ZNF594: variants seen among roughly 807,000 people sequenced by gnomAD.
ZNF594 encodes the protein zinc finger protein 594.
For synonymous variants in ZNF594, 336 were observed against 309.4 expected (o/e 1.09, Z -0.90); for missense variants, 1,037 against 964.6 (o/e 1.08, Z -0.99).
chr17:5,178,926 C>T (rs2074321463), downstream of ZNF594, among the ~76,000 whole-genome samples: 1 of 152,126 alleles, frequency 6.6e-6, no homozygotes, highest in South Asian at 2.1e-4. Context: ...TTCAAATCAA[C>T]ATAAGAACAC....
At position 5,182,531 on chromosome 17, in the gene ZNF594, C is replaced by T. The variant is rs1404769604; in HGVS notation, c.1726G>A (p.Ala576Thr). 3.1e-6 allele frequency: 5 copies of T among 1,613,348 alleles called. No homozygotes were observed. The highest frequency in any genetic ancestry group is 2.2e-5 in the South Asian group (2 of 91,026). ...ATGAGGTCTGAGCTGCCCTGGAAAG[C>T]CCTACCACACTGATTACACCAATAA... ...KAYWCNQCGR[A>T]FQGSSDLIRH... The change falls in exon 2 of 2, where the codon GCT becomes ACT. Residue 576 changes from alanine to threonine, a missense_variant. By Grantham distance (58) the Ala-to-Thr change is moderately conservative. Transcript: ENST00000575779.
downstream of ZNF594, among the ~76,000 whole-genome samples, chr17:5,178,070 G>GTT (rs59337751): frequency 0.019 from 2,700 of 142,828 alleles, 73 homozygotes; most frequent in African/African-American, 0.059. Context: ...ATATTTTTCA[G>GTT]TTTTTTTTTT....
intron 1 of ZNF594, 144 bp from the exon 2 acceptor site, chr17:5,184,420 T>C (rs761324451): frequency 1.6e-5 from 14 of 857,262 alleles, no homozygotes; most frequent in Non-Finnish European, 1.9e-5. Context: ...CTAGCGACAC[T>C]GTGGCTAACA....
chr17:5,190,899 C>T (rs201012702), intron 1 of ZNF594, among the ~76,000 whole-genome samples: 1 of 152,062 alleles, frequency 6.6e-6, no homozygotes, highest in African/African-American at 2.4e-5. Flanking sequence ...CTCCTGGGGA[C>T]GCGCTCGGTG....
downstream of ZNF594, among the ~76,000 whole-genome samples, chr17:5,177,654 T>C (rs1297629288): frequency 1.3e-5 from 2 of 151,848 alleles, no homozygotes; most frequent in African/African-American, 2.4e-5. Context: ...CTGGCCAACA[T>C]AGTGAAACCC....
chr17:5,189,728 T>C (rs1156709353), intron 1 of ZNF594, among the ~76,000 whole-genome samples: 1 of 151,984 alleles, frequency 6.6e-6, no homozygotes, highest in East Asian at 1.9e-4. Context: ...CTTGCTATGT[T>C]GCCCAGGCAG....
At chr17:5,187,876 G>A (rs2074395499) in intron 1 of ZNF594, among the ~76,000 whole-genome samples, 1 of 145,030 alleles carries the variant, frequency 6.9e-6, no homozygotes, top group African/African-American at 2.5e-5. Flanking sequence ...TCCATATCCA[G>A]GCTGGATTTC....
intron 1 of ZNF594, among the ~76,000 whole-genome samples, chr17:5,186,127 C>T (rs1291373794): frequency 6.6e-6 from 1 of 152,226 alleles, no homozygotes; most frequent in Non-Finnish European, 1.5e-5. Context: ...TTCGACCCCA[C>T]ATTTCCCTTC....
chr17:5,181,833 CTA>C lies in ZNF594; in HGVS notation c.2422_2423del (p.Ter808GlufsTer166). The C allele has an allele frequency of 6.2e-7, 1 of 1,614,014 alleles. No individual in the cohort carries two copies. The highest frequency in any genetic ancestry group is 1.3e-5 in the African/African-American group (1 of 74,982). ...QSELRPSETS[*>X] ...GTAAGGTTTTTCTCCACTGTGAATT[CTA>C]TGATGTCTCAGAAGGTCTGAGCTCT... On this transcript the variant is annotated frameshift_variant and stop_lost, in exon 2 of 2. Transcript: ENST00000575779. LOFTEE classifies it high-confidence loss of function.
downstream of ZNF594, among the ~76,000 whole-genome samples, chr17:5,176,571 C>A (rs2074309523): frequency 6.7e-6 from 1 of 149,444 alleles, no homozygotes; most frequent in Non-Finnish European, 1.5e-5. Context: ...TAAATAGAGA[C>A]AGGGTCTCTG....
chr17:5,178,689 T>A (rs1395795785), downstream of ZNF594, among the ~76,000 whole-genome samples: 1 of 152,128 alleles, frequency 6.6e-6, no homozygotes, highest in Non-Finnish European at 1.5e-5. Context: ...TACATGTACA[T>A]AAGTACATGA....
downstream of ZNF594, chr17:5,174,909 A>G (rs1459606869): frequency 1.6e-5 from 3 of 191,388 alleles, no homozygotes; most frequent in African/African-American, 7.0e-5. Flanking sequence ...AACTGTATCA[A>G]AAGTATTGGT....
chr17:5,183,348 G>T lies in ZNF594; in HGVS notation c.909C>A (p.Ala303=). Residue 303 remains alanine, a synonymous_variant, in exon 2 of 2, where the codon GCC becomes GCA. Coordinates refer to ENST00000575779, the MANE Select transcript of ZNF594 (RefSeq NM_032530.2). ...CAGTAAGGTGAGAATGCTGCCTGAA[G>T]GCTTTTTCACATTCATTACATTTGA... ...KPLKCNECEK[A]FRQHSHLTEH... is the part of the protein sequence containing the mutation. The T allele has an allele frequency of 6.2e-7, 1 of 1,613,758 alleles. No individual in the cohort carries two copies. The highest frequency in any genetic ancestry group is 8.5e-7 in the Non-Finnish European group (1 of 1,180,012).
intron 1 of ZNF594, 82 bp from the exon 2 acceptor site, chr17:5,184,358 G>T (rs993550465): frequency 7.5e-7 from 1 of 1,341,722 alleles, no homozygotes; most frequent in South Asian, 1.5e-5. Flanking sequence ...TAAGAGGGAG[G>T]AACAAAGAAC....
At chr17:5,174,953 A>G (rs1189253440), downstream of ZNF594, 1 of 189,226 alleles carries the variant, frequency 5.3e-6, no homozygotes, top group Non-Finnish European at 1.1e-5. Context: ...TTATCTGTTA[A>G]CTATTATCCA....
rs759711574 is a variant in ZNF594 at position 5,183,722 on chromosome 17, C to T, written c.535G>A (p.Gly179Arg). Residue 179 changes from glycine (G) to arginine (R), a missense_variant, in exon 2 of 2, where the codon GGA becomes AGA. Physicochemically the swap from Gly to Arg is moderately radical, Grantham distance 125 (BLOSUM62 -2). Transcript: ENST00000575779. ...NLIIHQRIHT[G>R]KKPYICHECG... is the part of the protein sequence containing the mutation. The stretch of plus-strand genomic sequence containing the variant: ...TCATGACATATATAAGGTTTCTTTC[C>T]TGTATGAATTCTCTGATGTATAATA... 6.2e-7 allele frequency: 1 copy of T among 1,612,058 alleles called. No homozygotes were observed. The highest frequency in any genetic ancestry group is 8.5e-7 in the Non-Finnish European group (1 of 1,179,202).
At chr17:5,185,742 G>A (rs1443166256) in intron 1 of ZNF594, among the ~76,000 whole-genome samples, 1 of 152,286 alleles carries the variant, frequency 6.6e-6, no homozygotes, top group Non-Finnish European at 1.5e-5. Context: ...AGGTATTGCT[G>A]GGTAAATACA....
chr17:5,190,859 A>G (rs202176419), intron 1 of ZNF594, among the ~76,000 whole-genome samples: 4 of 151,930 alleles, frequency 2.6e-5, no homozygotes, highest in Admixed American at 6.6e-5. Context: ...GCACCTACTG[A>G]TAAGATATTG....
downstream of ZNF594, among the ~76,000 whole-genome samples, chr17:5,178,403 T>C (rs2144230337): frequency 6.6e-6 from 1 of 152,314 alleles, no homozygotes; most frequent in South Asian, 2.1e-4. Context: ...TCTTAGCATA[T>C]GTAAAAGAAG....
Sources: allele counts gnomAD v4.1 joint callset (sites outside exome capture counted in the v4.1 genomes callset), GRCh38; gene constraint gnomAD v4.1.1; transcripts MANE v1.5; gene names NCBI Gene and HGNC (gene_info 2026-07-23, HGNC 2026-07-21).